Variants in EPHA3 observed in about 807,000 individuals in gnomAD.
The protein encoded by EPHA3 is EPH receptor A3.
EPHA3 carries 42 observed loss-of-function variants against 107.1 expected under a neutral mutation model. The ratio of observed to expected loss-of-function variants is 0.39; its 90% CI spans 0.31 to 0.51. The LOEUF (loss-of-function observed/expected upper bound fraction) is 0.51. Among genes scored for constraint, EPHA3 ranks in the 20% least tolerant of loss-of-function variants. The pLI is 0.78. For missense variants in EPHA3, 1,183 were observed against 1,211.2 expected (o/e 0.98, Z 0.35); for synonymous variants, 461 against 424.8 (o/e 1.09, Z -1.05).
intron 13 of EPHA3, among the ~76,000 whole-genome samples, chr3:89,442,480 A>C (rs1371306769): frequency 6.6e-6 from 1 of 152,204 alleles, no homozygotes; most frequent in Non-Finnish European, 1.5e-5. Context: ...GGTATTGTCT[A>C]GAGGCATTTT....
chr3:89,340,558 T>C (rs1402462756), intron 3 of EPHA3, among the ~76,000 whole-genome samples: 1 of 152,218 alleles, frequency 6.6e-6, no homozygotes, highest in Non-Finnish European at 1.5e-5. Context: ...AGTATACACA[T>C]TGCATCATGT....
intron 3 of EPHA3, among the ~76,000 whole-genome samples, chr3:89,235,132 G>C (rs1232787193): frequency 1.4e-5 from 2 of 147,566 alleles, no homozygotes; most frequent in East Asian, 4.2e-4. Flanking sequence ...ATGTTGGCCA[G>C]TCTGGTCTCG....
At chr3:89,302,282 A>G (rs373774859) in intron 3 of EPHA3, among the ~76,000 whole-genome samples, 1 of 152,254 alleles carries the variant, frequency 6.6e-6, no homozygotes, top group East Asian at 1.9e-4. Flanking sequence ...ATCTATTTAT[A>G]TGGTGACATG....
intron 10 of EPHA3, among the ~76,000 whole-genome samples, chr3:89,418,575 A>G (rs936555402): frequency 6.6e-6 from 1 of 151,354 alleles, no homozygotes; most frequent in Non-Finnish European, 1.5e-5. Context: ...ATTGAAGAAG[A>G]TGAATCTAAA....
intron 3 of EPHA3, among the ~76,000 whole-genome samples, chr3:89,273,800 G>T (rs1377513993): frequency 1.3e-5 from 2 of 151,832 alleles, no homozygotes; most frequent in Non-Finnish European, 2.9e-5. Flanking sequence ...CCAATAGCAT[G>T]CAACTACTGC....
At chr3:89,200,280 G>A (rs1343390410) in intron 2 of EPHA3, among the ~76,000 whole-genome samples, 2 of 152,106 alleles carry the variant, frequency 1.3e-5, no homozygotes, top group African/African-American at 4.8e-5. Context: ...TTTTGTTGAT[G>A]CTGCATCTTT....
intron 2 of EPHA3, among the ~76,000 whole-genome samples, chr3:89,185,138 T>C (rs1705533628): frequency 6.6e-6 from 1 of 152,084 alleles, no homozygotes; most frequent in Admixed American, 6.6e-5. Flanking sequence ...AGAAACATTA[T>C]GTTGTTTCCT....
intron 5 of EPHA3, among the ~76,000 whole-genome samples, chr3:89,367,073 C>T (rs577268160): frequency 1.3e-5 from 2 of 150,534 alleles, no homozygotes; most frequent in African/African-American, 4.8e-5. Flanking sequence ...GCGTTTCCAC[C>T]TCATCTGTTT....
At chr3:89,157,307 G>A (rs571286373) in intron 2 of EPHA3, among the ~76,000 whole-genome samples, 1 of 151,926 alleles carries the variant, frequency 6.6e-6, no homozygotes, top group Non-Finnish European at 1.5e-5. Context: ...ATTCCTTAAT[G>A]CAACTTTAAT....
chr3:89,202,691 A>G (rs558029622), intron 2 of EPHA3, among the ~76,000 whole-genome samples: 13 of 152,046 alleles, frequency 8.6e-5, no homozygotes, highest in African/African-American at 3.1e-4. Flanking sequence ...AAAAATCACA[A>G]ATCACCACAG....
At chr3:89,129,655 T>C (rs1362469211) in intron 2 of EPHA3, among the ~76,000 whole-genome samples, 1 of 150,868 alleles carries the variant, frequency 6.6e-6, no homozygotes, top group Non-Finnish European at 1.5e-5. Context: ...AAATAATGTA[T>C]GGTAAGTTTA....
intron 2 of EPHA3, among the ~76,000 whole-genome samples, chr3:89,153,940 G>A (rs750425661): frequency 2.0e-5 from 3 of 151,932 alleles, no homozygotes; most frequent in Non-Finnish European, 2.9e-5. Flanking sequence ...TAGTGTCCAC[G>A]GTGTCTATGA....
chr3:89,380,005 T>C (rs1708469639), intron 5 of EPHA3, among the ~76,000 whole-genome samples: 2 of 152,130 alleles, frequency 1.3e-5, no homozygotes, highest in South Asian at 4.1e-4. Context: ...TATTGCACTT[T>C]GGGTGGGGTT....
At position 89,216,473 on chromosome 3, in the gene EPHA3, C is replaced by A. The variant is rs193230415; in HGVS notation, c.814+5953C>A. Among the ~76,000 whole-genome samples, 243 of 152,046 alleles carry A rather than the reference C, an allele frequency of 1.6e-3. 2 individuals carry two copies. Among genetic ancestry groups the A allele is most frequent in the African/African-American group, 5.6e-3 (233 of 41,510 alleles). On this transcript the variant is annotated intron_variant, in intron 3 of 16. Coordinates refer to ENST00000336596, the MANE Select transcript of EPHA3 (RefSeq NM_005233.6). ...TTGTGAATATGTAAAAATTATAGTT[C>A]TCCTATCATCTTAATGAATATTATC... is the stretch of plus-strand genomic sequence containing the variant.
At chr3:89,261,865 G>A (rs1705424968) in intron 3 of EPHA3, among the ~76,000 whole-genome samples, 1 of 149,650 alleles carries the variant, frequency 6.7e-6, no homozygotes, top group Non-Finnish European at 1.5e-5. Context: ...ACTTTTAATG[G>A]CAAAAACCGC....
intron 2 of EPHA3, among the ~76,000 whole-genome samples, chr3:89,131,960 G>A (rs1391935036): frequency 6.6e-6 from 1 of 152,130 alleles, no homozygotes; most frequent in East Asian, 1.9e-4. Context: ...GCCCCTCTGC[G>A]ACTCCATGGG....
chr3:89,365,509 A>G (rs1176537457), intron 5 of EPHA3, among the ~76,000 whole-genome samples: 1 of 150,752 alleles, frequency 6.6e-6, no homozygotes, highest in East Asian at 1.9e-4. Context: ...TTGATTTTCC[A>G]CAGGGCAACA....
chr3:89,329,027 AC>A (rs1465439415), intron 3 of EPHA3, among the ~76,000 whole-genome samples: 1 of 151,938 alleles, frequency 6.6e-6, no homozygotes, highest in Non-Finnish European at 1.5e-5. Flanking sequence ...CCAATCCCTC[AC>A]CTTTTTAGGT....
At chr3:89,455,512 A>C (rs562153204) in intron 15 of EPHA3, among the ~76,000 whole-genome samples, 4 of 152,350 alleles carry the variant, frequency 2.6e-5, no homozygotes, top group Non-Finnish European at 4.4e-5. Flanking sequence ...TATTTTTCAA[A>C]TGCATGAGGA....
Sources: allele counts gnomAD v4.1 joint callset (sites outside exome capture counted in the v4.1 genomes callset), GRCh38; gene constraint gnomAD v4.1.1; transcripts MANE v1.5; gene names NCBI Gene and HGNC (gene_info 2026-07-23, HGNC 2026-07-21).